Variants in PAX3 observed in about 807,000 individuals in gnomAD.
PAX3 encodes paired box 3.
Under a neutral mutation model 51.6 loss-of-function variants are expected in PAX3, and 14 were observed. That is an observed-to-expected ratio of 0.27 (90% CI 0.18 to 0.42). The LOEUF is 0.42. Ranked by LOEUF, PAX3 falls within the 10% of genes least tolerant of loss-of-function variation. The probability of loss-of-function intolerance (pLI) is 1.00; values close to 1 mark genes in which losing one functional copy is unlikely to be tolerated. For synonymous variants in PAX3, 280 were observed against 253.4 expected, an observed-to-expected ratio of 1.11 and a Z score of -1.00; for missense variants, 540 against 642.8, an observed-to-expected ratio of 0.84 and a Z score of 1.73.
At chr2:222,295,679 G>C in intron 2 of PAX3, 22 bp from the exon 3 acceptor site, 1 of 1,613,724 alleles carries the variant, frequency 6.2e-7, no homozygotes, top group Admixed American at 1.7e-5. Context: ...CAGGCGGGCA[G>C]GCGTTGGTAC....
chr2:222,284,523 G>A (rs1040658759), intron 4 of PAX3, among the ~76,000 whole-genome samples: 1 of 152,144 alleles, frequency 6.6e-6, no homozygotes, highest in Non-Finnish European at 1.5e-5. Context: ...CCATTAAATC[G>A]AAGTTTTTTA....
At chr2:222,240,236 C>T (rs1692960354) in intron 4 of PAX3, among the ~76,000 whole-genome samples, 1 of 152,134 alleles carries the variant, frequency 6.6e-6, no homozygotes, top group Admixed American at 6.5e-5. Context: ...ATTTTTAATG[C>T]ACAACATGGA....
At chr2:222,229,894 G>T (rs911128472) in intron 5 of PAX3, among the ~76,000 whole-genome samples, 5 of 152,138 alleles carry the variant, frequency 3.3e-5, no homozygotes, top group African/African-American at 1.2e-4. Context: ...TCTTAAATCT[G>T]CCCTCTGGGC....
intron 1 of PAX3, 29 bp downstream of exon 1, chr2:222,298,502 C>T: frequency 6.4e-7 from 1 of 1,564,620 alleles, no homozygotes; most frequent in Non-Finnish European, 8.7e-7. Context: ...GCCCTGGGAT[C>T]CAGGCGGCGC....
intron 8 of PAX3, 125 bp from the exon 9 acceptor site, chr2:222,201,567 T>A: frequency 7.1e-7 from 1 of 1,407,082 alleles, no homozygotes; most frequent in Non-Finnish European, 1.0e-6. Flanking sequence ...GACTAATATT[T>A]TTATTCCTGA....
intron 5 of PAX3, among the ~76,000 whole-genome samples, chr2:222,230,854 C>CAA (rs5838938): frequency 0.024 from 2,628 of 108,480 alleles, 99 homozygotes; most frequent in African/African-American, 0.076. Context: ...GACTCCACCT[C>CAA]AAAAAAAAAA....
chr2:222,221,504 A>G, intron 5 of PAX3, 117 bp from the exon 6 acceptor site: 1 of 941,336 alleles, frequency 1.1e-6, no homozygotes, highest in South Asian at 1.3e-5. Context: ...AATAGATGCA[A>G]GAGTTCTCTG....
At chr2:222,285,259 A>G (rs1025429237) in intron 4 of PAX3, among the ~76,000 whole-genome samples, 1 of 152,246 alleles carries the variant, frequency 6.6e-6, no homozygotes, top group African/African-American at 2.4e-5. Flanking sequence ...TATTGGAAGA[A>G]TTTAAATATA....
At chr2:222,263,232 G>A (rs899121331) in intron 4 of PAX3, 1 of 152,120 alleles carries the variant, frequency 6.6e-6, no homozygotes. Flanking sequence ...GACCTGCATT[G>A]AGAATATAAG....
intron 4 of PAX3, among the ~76,000 whole-genome samples, chr2:222,250,781 A>G (rs972147411): frequency 6.6e-6 from 1 of 152,178 alleles, no homozygotes. Flanking sequence ...GACCTCATGC[A>G]GTTCTGCCCC....
At chr2:222,297,282 G>T in intron 1 of PAX3, 69 bp from the exon 2 acceptor site, 1 of 1,228,486 alleles carries the variant, frequency 8.1e-7, no homozygotes, top group Non-Finnish European at 1.2e-6. Context: ...AAGAACAGCA[G>T]CACGTAATTT....
chr2:222,276,275 C>G (rs556931903), intron 4 of PAX3, among the ~76,000 whole-genome samples: 17 of 152,314 alleles, frequency 1.1e-4, no homozygotes, highest in Non-Finnish European at 1.8e-4. Context: ...CAAGAAAGCA[C>G]GCATCTCCCT....
chr2:222,220,034 A>G, intron 7 of PAX3, 106 bp downstream of exon 7: 1 of 956,440 alleles, frequency 1.0e-6, no homozygotes, highest in Non-Finnish European at 1.6e-6. Context: ...TCTATAAAGA[A>G]TACATTATGG....
intron 3 of PAX3, among the ~76,000 whole-genome samples, chr2:222,295,079 G>A (rs1394066274): frequency 6.6e-6 from 1 of 151,762 alleles, no homozygotes; most frequent in East Asian, 1.9e-4. Context: ...GTGGCGGGGG[G>A]CTCCGGACCG....
Position 222,295,521 on chromosome 2 carries a change from C to T in PAX3, c.451+7G>A. On this transcript the variant is annotated splice_region_variant and intron_variant, in intron 3 of 8. Coordinates refer to ENST00000392070, the MANE Select transcript of PAX3 (RefSeq NM_181458.4). ...GCGCCTCGGGGAGAGGTTAATGGGC[C>T]TAGTACCTGACGGCACGGTGTTTCG... 1.9e-6 allele frequency: 3 copies of T among 1,614,196 alleles called. No individual in the cohort carries two copies. Among genetic ancestry groups the T allele is most frequent in the Non-Finnish European group, 2.5e-6 (3 of 1,180,020 alleles).
chr2:222,293,127 CT>C (rs1167892421), intron 4 of PAX3, among the ~76,000 whole-genome samples: 1 of 152,212 alleles, frequency 6.6e-6, no homozygotes, highest in Non-Finnish European at 1.5e-5. Context: ...GCCTGTCCCT[CT>C]GGCAACTCCA....
intron 7 of PAX3, among the ~76,000 whole-genome samples, chr2:222,217,841 C>G (rs1692027364): frequency 6.6e-6 from 1 of 152,124 alleles, no homozygotes; most frequent in Non-Finnish European, 1.5e-5. Flanking sequence ...CTTGTTTAAA[C>G]AGTGTCATTA....
At chr2:222,269,279 C>A (rs930200891) in intron 4 of PAX3, among the ~76,000 whole-genome samples, 5 of 152,300 alleles carry the variant, frequency 3.3e-5, no homozygotes, top group African/African-American at 9.6e-5. Flanking sequence ...CTGTTGAATG[C>A]GCACAGTCCA....
At chr2:222,284,720 G>A (rs1694772954) in intron 4 of PAX3, among the ~76,000 whole-genome samples, 1 of 152,126 alleles carries the variant, frequency 6.6e-6, no homozygotes, top group Admixed American at 6.6e-5. Context: ...TAGTTTGTAG[G>A]CTGGTCACTT....
Sources: allele counts gnomAD v4.1 joint callset (sites outside exome capture counted in the v4.1 genomes callset), GRCh38; gene constraint gnomAD v4.1.1; transcripts MANE v1.5; gene names NCBI Gene and HGNC (gene_info 2026-07-23, HGNC 2026-07-21).